LAMTOR5: variants seen among roughly 807,000 people sequenced by gnomAD.
LAMTOR5 encodes the protein late endosomal/lysosomal adaptor, MAPK and MTOR activator 5, also known as ragulator complex protein LAMTOR5.
In LAMTOR5, 8 loss-of-function variants were observed where a neutral mutation model predicts 12.1. The ratio of observed to expected loss-of-function variants is 0.66; its 90% CI spans 0.39 to 1.19. The LOEUF is 1.19. LAMTOR5 is among the 50% of genes most tolerant of loss of function. The pLI is 0.01. For synonymous variants in LAMTOR5, 37 were observed against 41.9 expected (o/e 0.88, Z 0.45); for missense variants, 110 against 112.8 (o/e 0.97, Z 0.11).
intron 3 of LAMTOR5, among the ~76,000 whole-genome samples, chr1:110,402,252 CTTTT>C (rs998776276): frequency 2.6e-5 from 4 of 152,050 alleles, no homozygotes; most frequent in African/African-American, 9.7e-5. Flanking sequence ...ATTTACTATA[CTTTT>C]TTTCTTTTTT....
chr1:110,403,258 T>C (rs1446190185), intron 3 of LAMTOR5, among the ~76,000 whole-genome samples: 2 of 152,188 alleles, frequency 1.3e-5, no homozygotes, highest in African/African-American at 2.4e-5. Context: ...ATACTTTTTT[T>C]CACATATTAT....
intron 1 of LAMTOR5, 126 bp downstream of exon 1, chr1:110,407,460 C>T: frequency 2.4e-6 from 3 of 1,233,842 alleles, no homozygotes; most frequent in Admixed American, 2.5e-5. Context: ...CCCCTCATCC[C>T]GTGTCCCGGG....
chr1:110,404,132 C>T (rs975670998), intron 2 of LAMTOR5, 96 bp from the exon 3 acceptor site: 2 of 1,525,354 alleles, frequency 1.3e-6, no homozygotes, highest in Non-Finnish European at 1.8e-6. Context: ...ACAGAATTGT[C>T]TTTTTATTAA....
Position 110,401,589 on chromosome 1 carries a change from A to G in LAMTOR5, c.216-6T>C. On this transcript the variant is annotated splice_polypyrimidine_tract_variant and splice_region_variant and intron_variant, in intron 3 of 3. Transcript: ENST00000602318. ...GTTTCTGGATCATAATGTTCCTGAA[A>G]TGCAGGAAGAAAATATTCAGTAAAA... The G allele has an allele frequency of 6.2e-7, 1 of 1,601,484 alleles. No homozygotes were observed. The highest frequency in any genetic ancestry group is 8.6e-7 in the Non-Finnish European group (1 of 1,169,516).
At chr1:110,403,552 C>T (rs1663268187) in intron 3 of LAMTOR5, 1 of 163,110 alleles carries the variant, frequency 6.1e-6, no homozygotes, top group African/African-American at 2.4e-5. Context: ...GGGTTGAAGT[C>T]ACAGTGACCC....
intron 2 of LAMTOR5, 136 bp from the exon 3 acceptor site, chr1:110,404,172 A>C: frequency 7.8e-7 from 1 of 1,278,360 alleles, no homozygotes; most frequent in Non-Finnish European, 1.0e-6. Flanking sequence ...ATATTATAGT[A>C]ACTAAATCTC....
chr1:110,403,179 A>G (rs139725767), intron 3 of LAMTOR5, among the ~76,000 whole-genome samples: 1 of 152,274 alleles, frequency 6.6e-6, no homozygotes, highest in East Asian at 1.9e-4. Context: ...ACATATCCCC[A>G]TTGTTAAGCA....
At chr1:110,404,104 G>T in intron 2 of LAMTOR5, 68 bp from the exon 3 acceptor site, 1 of 1,583,418 alleles carries the variant, frequency 6.3e-7, no homozygotes, top group Non-Finnish European at 8.6e-7. Context: ...TAAGCTAGCT[G>T]GCTGTTTTAA....
rs1284079519 is a variant in LAMTOR5 at position 110,403,917 on chromosome 1, A to G, written c.215+2T>C. ...GGAAAGGATCTGCTGAAATCTACTC[A>G]CCCATTATCTGATTCTAGACACACC... On this transcript the variant is annotated splice_donor_variant, in intron 3 of 3. Transcript: ENST00000602318. LOFTEE classifies it high-confidence loss of function. 1 of 1,610,934 alleles carries G rather than the reference A, an allele frequency of 6.2e-7. No individual in the cohort carries two copies. Among genetic ancestry groups the G allele is most frequent in the South Asian group, 1.1e-5 (1 of 90,274 alleles).
chr1:110,401,464 T>C lies in LAMTOR5; in HGVS notation c.*59A>G. 6.4e-7 allele frequency: 1 copy of C among 1,551,460 alleles called. No homozygotes were observed. Among genetic ancestry groups the C allele is most frequent in the Non-Finnish European group, 8.8e-7 (1 of 1,130,700 alleles). On this transcript the variant is annotated 3_prime_UTR_variant, in exon 4 of 4. Transcript: ENST00000602318. ...CTGGAACTTTAGTAGTTCTATAAGGTAATTAACATAGGTAGGATCCAGTTC... is the reference window on the plus strand; with the variant it reads ...CTGGAACTTTAGTAGTTCTATAAGGCAATTAACATAGGTAGGATCCAGTTC...
chr1:110,407,761 C>G, upstream of LAMTOR5: 2 of 1,614,180 alleles, frequency 1.2e-6, no homozygotes, highest in Non-Finnish European at 1.7e-6. Context: ...GTGCAACGTC[C>G]GCGTTCTTTA....
rs773741545 is a variant in LAMTOR5 at position 110,407,596 on chromosome 1, A to C, written c.25T>G (p.Leu9Val). 3 of 1,614,034 alleles carry C rather than the reference A, an allele frequency of 1.9e-6. No individual in the cohort carries two copies. Among genetic ancestry groups the C allele is most frequent in the Non-Finnish European group, 8.5e-7 (1 of 1,179,986 alleles). ...GCGCGCACTACTCACGTGTCTTCCA[A>C]GTGCTGCTCCAAGGTCGCCTCCATC... MEATLEQH[L>V]EDTMKNPSIV... is the part of the protein sequence containing the mutation. The change falls in exon 1 of 4, where the codon TTG becomes GTG. Residue 9 changes from leucine to valine, a missense_variant. Coordinates refer to ENST00000602318, the MANE Select transcript of LAMTOR5 (RefSeq NM_001382293.1).
At chr1:110,407,822 G>C (rs1663372178), upstream of LAMTOR5, 5 of 1,613,998 alleles carry the variant, frequency 3.1e-6, no homozygotes, top group Admixed American at 1.7e-5. Flanking sequence ...GAAGGCTTGG[G>C]CTCCCCGCGC....
chr1:110,402,429 T>C (rs1663248180), intron 3 of LAMTOR5, among the ~76,000 whole-genome samples: 1 of 152,110 alleles, frequency 6.6e-6, no homozygotes, highest in African/African-American at 2.4e-5. Flanking sequence ...GTATTTTTAG[T>C]AGAGACAGGG....
At chr1:110,404,247 T>C (rs1663285319) in intron 2 of LAMTOR5, among the ~76,000 whole-genome samples, 1 of 148,834 alleles carries the variant, frequency 6.7e-6, no homozygotes, top group Non-Finnish European at 1.5e-5. Context: ...TTACAATATA[T>C]TTCTGTATAT....
chr1:110,403,803 A>C, intron 3 of LAMTOR5, 116 bp downstream of exon 3: 3 of 1,463,340 alleles, frequency 2.1e-6, no homozygotes, highest in Non-Finnish European at 2.7e-6. Flanking sequence ...AAGATTAAGA[A>C]CTTTTCCCAA....
intron 1 of LAMTOR5, chr1:110,407,239 C>T (rs1001249039): frequency 3.5e-6 from 2 of 579,230 alleles, no homozygotes; most frequent in African/African-American, 1.9e-5. Context: ...CTCGACACTG[C>T]ACAACTGGCA....
chr1:110,403,076 A>G (rs1249056160), intron 3 of LAMTOR5, among the ~76,000 whole-genome samples: 1 of 152,238 alleles, frequency 6.6e-6, no homozygotes, highest in East Asian at 1.9e-4. Context: ...GTCTAAGAGC[A>G]ATACAGCCTA....
chr1:110,407,554 C>G (rs1663360283), intron 1 of LAMTOR5, 32 bp downstream of exon 1: 1 of 1,605,538 alleles, frequency 6.2e-7, no homozygotes, highest in Non-Finnish European at 8.5e-7. Flanking sequence ...GCCGCGACCT[C>G]AGGACAGGCC....
Sources: gnomAD v4.1 joint callset for allele counts (sites outside exome capture counted in the v4.1 genomes callset) on GRCh38, gnomAD v4.1.1 for gene constraint, MANE v1.5 for transcripts, NCBI Gene and HGNC (gene_info 2026-07-23, HGNC 2026-07-21) for gene names.